The following ZNF536 variants were observed in gnomAD, a reference collection of about 807,000 sequenced individuals.
ZNF536 encodes zinc finger protein 536.
Under a neutral mutation model 84.5 loss-of-function variants are expected in ZNF536, and 13 were observed. The observed-to-expected ratio is 0.15, with a 90% CI of 0.10 to 0.24. The LOEUF (loss-of-function observed/expected upper bound fraction) is 0.24. ZNF536 is among the 10% of genes least tolerant of loss of function. ZNF536 has a pLI of 1.00. For synonymous variants in ZNF536, 811 were observed against 742.5 expected (o/e 1.09, Z -1.50); for missense variants, 1,536 against 1,747.5 (o/e 0.88, Z 2.16).
At chr19:30,658,738 C>G (rs1215209056) in intron 1 of ZNF536, among the ~76,000 whole-genome samples, 1 of 152,044 alleles carries the variant, frequency 6.6e-6, no homozygotes, top group Non-Finnish European at 1.5e-5. Context: ...GTCTGACTCT[C>G]CCACCGAATT....
chr19:30,309,772 G>T (rs1186467227), intron 2 of ZNF536, among the ~76,000 whole-genome samples: 1 of 152,168 alleles, frequency 6.6e-6, no homozygotes, highest in East Asian at 1.9e-4. Flanking sequence ...ATTAAGGGTG[G>T]AACAATGTTT....
intron 1 of ZNF536, among the ~76,000 whole-genome samples, chr19:30,278,295 T>C (rs1409116813): frequency 1.3e-5 from 2 of 152,126 alleles, no homozygotes; most frequent in Non-Finnish European, 1.5e-5. Context: ...AGGGTTTGAA[T>C]TGGCTCGTTT....
chr19:30,469,611 G>A (rs1276848027), intron 2 of ZNF536, among the ~76,000 whole-genome samples: 1 of 152,188 alleles, frequency 6.6e-6, no homozygotes, highest in Non-Finnish European at 1.5e-5. Flanking sequence ...TCCCCAAAGG[G>A]TATTTGGTAG....
chr19:30,235,528 C>T (rs2023423759), intron 1 of ZNF536, among the ~76,000 whole-genome samples: 1 of 152,190 alleles, frequency 6.6e-6, no homozygotes, highest in Non-Finnish European at 1.5e-5. Flanking sequence ...AGACAGCAAA[C>T]AGATCACAGC....
chr19:30,423,947 G>GA (rs1192554575), intron 1 of ZNF536, among the ~76,000 whole-genome samples: 1 of 152,112 alleles, frequency 6.6e-6, no homozygotes, highest in Non-Finnish European at 1.5e-5. Context: ...ATGGTGTCTT[G>GA]AAAAAAAGAC....
chr19:30,445,219 G>T lies in ZNF536; in HGVS notation c.1657G>T (p.Ala553Ser), dbSNP rs753386392. The change falls in exon 2 of 5, where the codon GCA becomes TCA. Residue 553 changes from alanine (A) to serine (S), a missense_variant. Ala to Ser is a moderately conservative substitution (Grantham distance 99, BLOSUM62 1). Coordinates refer to ENST00000355537, the MANE Select transcript of ZNF536 (RefSeq NM_014717.3). This position sits in a 1 kb window ranked among gnomAD's most constrained non-coding sequence, Gnocchi z 4.5. ...GCAGCGCAACCACGAAGACACTTTG[G>T]CAAACGCCGGGGTTCTGTTTGATAA... ...PLQRNHEDTLANAGVLFDKEK... is the reference protein window; with the variant it reads ...PLQRNHEDTLSNAGVLFDKEK... 6.2e-7 allele frequency: 1 copy of T among 1,614,180 alleles called. No homozygotes were observed. Among genetic ancestry groups the T allele is most frequent in the South Asian group, 1.1e-5 (1 of 91,088 alleles).
chr19:30,581,021 C>T (rs2046902098), intron 1 of ZNF536, among the ~76,000 whole-genome samples: 1 of 152,202 alleles, frequency 6.6e-6, no homozygotes, highest in South Asian at 2.1e-4. Flanking sequence ...GAATTATGAG[C>T]AGGAAAAGCT....
intron 1 of ZNF536, among the ~76,000 whole-genome samples, chr19:30,243,125 A>G (rs1599859871): frequency 6.6e-6 from 1 of 152,230 alleles, no homozygotes; most frequent in East Asian, 1.9e-4. Context: ...GCAAAAATCT[A>G]TGATGAGTTA....
At position 30,346,285 on chromosome 19, in the gene ZNF536, G is replaced by T. The variant is rs186831132; in HGVS notation, c.-119-6083G>T. 1.6e-3 allele frequency among the ~76,000 whole-genome samples: 239 copies of T among 152,296 alleles called. 1 individual carries two copies. Among genetic ancestry groups the T allele is most frequent in the Non-Finnish European group, 2.8e-3 (190 of 68,022 alleles). On this transcript the variant is annotated intron_variant, in intron 2 of 5. Transcript: ENST00000585628. The stretch of plus-strand genomic sequence containing the variant: ...GAAAAGGATTCTGCTACTAGGAAAC[G>T]CTGACAAATCATATATTTAGACCAA...
At chr19:30,436,506 G>A in intron 1 of ZNF536, 1 of 984,924 alleles carries the variant, frequency 1.0e-6, no homozygotes, top group South Asian at 4.7e-5. Context: ...AGCATAGCAA[G>A]CTCTAGGCCA....
At chr19:30,573,308 G>A (rs995729842) in intron 1 of ZNF536, among the ~76,000 whole-genome samples, 2 of 152,166 alleles carry the variant, frequency 1.3e-5, no homozygotes, top group Non-Finnish European at 2.9e-5. Context: ...ATTAGTAATA[G>A]TTTGTGGTAG....
intron 2 of ZNF536, among the ~76,000 whole-genome samples, chr19:30,520,192 A>G (rs2044260939): frequency 6.6e-6 from 1 of 152,168 alleles, no homozygotes; most frequent in Non-Finnish European, 1.5e-5. Flanking sequence ...GCATTTCAGG[A>G]TGAGAGGAAA....
At chr19:30,575,684 G>A (rs923801041) in intron 1 of ZNF536, among the ~76,000 whole-genome samples, 1 of 152,222 alleles carries the variant, frequency 6.6e-6, no homozygotes, top group Non-Finnish European at 1.5e-5. Flanking sequence ...AGAAGGCTAT[G>A]GAGAGAAATA....
At chr19:30,648,364 G>A (rs1210795405) in intron 1 of ZNF536, among the ~76,000 whole-genome samples, 3 of 152,144 alleles carry the variant, frequency 2.0e-5, no homozygotes, top group African/African-American at 7.2e-5. Flanking sequence ...CTCTCAGGTT[G>A]TAAATTCTAC....
At chr19:30,296,518 G>A (rs1431981640) in intron 2 of ZNF536, among the ~76,000 whole-genome samples, 1 of 152,202 alleles carries the variant, frequency 6.6e-6, no homozygotes, top group African/African-American at 2.4e-5. Flanking sequence ...AGAGGGGTCT[G>A]GGAGGAGATT....
chr19:30,370,489 G>T (rs1488505213), upstream of ZNF536, among the ~76,000 whole-genome samples: 1 of 152,162 alleles, frequency 6.6e-6, no homozygotes. Context: ...TGTATGGATT[G>T]CTGGCGGAAC....
At chr19:30,385,477 T>C (rs928960528) in intron 1 of ZNF536, among the ~76,000 whole-genome samples, 7 of 151,822 alleles carry the variant, frequency 4.6e-5, no homozygotes, top group African/African-American at 1.7e-4. Flanking sequence ...TCTCCTGGAG[T>C]TCCTGACTGT....
chr19:30,480,258 C>T (rs540772132), intron 2 of ZNF536, among the ~76,000 whole-genome samples: 1 of 152,274 alleles, frequency 6.6e-6, no homozygotes, highest in East Asian at 1.9e-4. Flanking sequence ...GTCAACAGGT[C>T]TCTCTTCCTT....
At chr19:30,591,241 A>G (rs1169114305) in intron 1 of ZNF536, among the ~76,000 whole-genome samples, 1 of 152,306 alleles carries the variant, frequency 6.6e-6, no homozygotes, top group East Asian at 1.9e-4. Context: ...TACTGTTCAC[A>G]CTTGTGCAGG....
Sources: allele counts gnomAD v4.1 joint callset (sites outside exome capture counted in the v4.1 genomes callset), GRCh38; gene constraint gnomAD v4.1.1; non-coding constraint Gnocchi (gnomAD v3.1); transcripts MANE v1.5; gene names NCBI Gene and HGNC (gene_info 2026-07-23, HGNC 2026-07-21).